TLR10: variants seen among roughly 807,000 people sequenced by gnomAD.
The protein encoded by TLR10 is toll-like receptor 10.
For synonymous variants in TLR10, 288 were observed against 338.8 expected (o/e 0.85, Z 1.65); for missense variants, 929 against 932.9 (o/e 1.00, Z 0.05).
In TLR10 at chr4:38,775,668, T is replaced by C. The variant is rs2109311410; in HGVS notation, c.-62-16A>G. ...GCTCAAAACCCTAAAAAAAAGTATATAATATTAGATTTTTATTTGGTTTGT... is the reference window on the plus strand; with the variant it reads ...GCTCAAAACCCTAAAAAAAAGTATACAATATTAGATTTTTATTTGGTTTGT... On this transcript the variant is annotated splice_polypyrimidine_tract_variant and intron_variant, in intron 3 of 3. Transcript: ENST00000308973. 2.3e-6 allele frequency: 3 copies of C among 1,325,142 alleles called. No homozygotes were observed. Among genetic ancestry groups the C allele is most frequent in the Admixed American group, 2.6e-5 (1 of 38,686 alleles). The allele number at this position is 1,325,142 out of a possible 1,614,324, so 82.1% of individuals were successfully genotyped here.
chr4:38,775,848 T>C lies in TLR10; in HGVS notation c.-136A>G. The C allele has an allele frequency of 3.0e-6, 1 of 331,086 alleles. No homozygotes were observed. The highest frequency in any genetic ancestry group is 7.7e-5 in the South Asian group (1 of 12,922). The allele number at this position is 331,086 out of a possible 1,614,324, so 20.5% of individuals were successfully genotyped here. A position where few individuals can be genotyped will look rare whatever the true frequency, so the allele number is the denominator to read the frequency against. ...TCCAAGCTGGCTACTGTGCCATGTC[T>C]CCGTTGTTGAGGTAAGTCAGGATTC... On this transcript the variant is annotated 5_prime_UTR_variant, in exon 3 of 4. Coordinates refer to ENST00000308973, the MANE Select transcript of TLR10 (RefSeq NM_030956.4).
At chr4:38,780,715 G>A (rs1725354604) in intron 1 of TLR10, among the ~76,000 whole-genome samples, 1 of 152,186 alleles carries the variant, frequency 6.6e-6, no homozygotes, top group Non-Finnish European at 1.5e-5. Flanking sequence ...ATGTTTACAT[G>A]AAATATTTTT....
At position 38,775,308 on chromosome 4, in the gene TLR10, T is replaced by C. The variant is rs1297796232; in HGVS notation, c.283A>G (p.Asn95Asp). Residue 95 changes from asparagine to aspartate, a missense_variant, in exon 4 of 4, where the codon AAC becomes GAC. By Grantham distance (23) the Asn-to-Asp change is conservative. Coordinates refer to ENST00000308973, the MANE Select transcript of TLR10 (RefSeq NM_030956.4). ...AAATCTAAATATCTTAACTCCTTGTTGAATTCAAAGGTTTTGAGATCCAGC... is the reference window on the plus strand; with the variant it reads ...AAATCTAAATATCTTAACTCCTTGTCGAATTCAAAGGTTTTGAGATCCAGC... ...QQLDLKTFEF[N>D]KELRYLDLSN... 6.2e-7 allele frequency: 1 copy of C among 1,614,016 alleles called. No individual in the cohort carries two copies. The highest frequency in any genetic ancestry group is 8.5e-7 in the Non-Finnish European group (1 of 1,180,018).
chr4:38,776,977 G>A (rs1725093957), intron 1 of TLR10, among the ~76,000 whole-genome samples: 1 of 152,102 alleles, frequency 6.6e-6, no homozygotes, highest in Admixed American at 6.6e-5. Flanking sequence ...CAGATCTCAT[G>A]AGACTTATTC....
chr4:38,779,257 A>T lies in TLR10; in HGVS notation c.-568-2831T>A, dbSNP rs572869524. On this transcript the variant is annotated intron_variant, in intron 1 of 3. Transcript: ENST00000308973. Reference sequence around the variant, plus strand: ...ATTGATCATATAATTTTTATATTTCATAAACTATTGTTTCTGGTAAGTGTT... The same window carrying T: ...ATTGATCATATAATTTTTATATTTCTTAAACTATTGTTTCTGGTAAGTGTT... Among the ~76,000 whole-genome samples the T allele has an allele frequency of 1.1e-4, 16 of 152,346 alleles. 1 individual carries two copies. Among genetic ancestry groups the T allele is most frequent in the Admixed American group, 9.8e-4 (15 of 15,300 alleles).
chr4:38,774,816 G>T lies in TLR10; in HGVS notation c.775C>A (p.Leu259Ile), dbSNP rs368542091. ...LNKVDLLWDD[L>I]FLILQFVWHT... Reference sequence around the variant, plus strand: ...CAAACAAATTGTAAGATAAGGAAAAGGTCGTCCCAGAGTAAATCAACTTTA... The same window carrying T: ...CAAACAAATTGTAAGATAAGGAAAATGTCGTCCCAGAGTAAATCAACTTTA... Residue 259 changes from leucine to isoleucine, a missense_variant, in exon 4 of 4, where the codon CTT becomes ATT. Leu to Ile is a conservative substitution (Grantham distance 5). Coordinates refer to ENST00000308973, the MANE Select transcript of TLR10 (RefSeq NM_030956.4). The T allele has an allele frequency of 2.8e-5, 44 of 1,595,318 alleles. No homozygotes were observed. Among genetic ancestry groups the T allele is most frequent in the East Asian group, 8.9e-5 (4 of 44,768 alleles).
chr4:38,774,025 A>C lies in TLR10; in HGVS notation c.1566T>G (p.Asn522Lys), dbSNP rs1316141553. 4 of 1,608,236 alleles carry C rather than the reference A, an allele frequency of 2.5e-6. No individual in the cohort carries two copies. In the African/African-American group the frequency reaches 4.0e-5, roughly 16 times the overall value. The change falls in exon 4 of 4, where the codon AAT becomes AAG. Residue 522 changes from asparagine to lysine, a missense_variant. Asn to Lys is a moderately conservative substitution (Grantham distance 94). Transcript: ENST00000308973. The part of the protein sequence containing the change: ...QEVKTLNAGR[N>K]PFRCTCELKN... ...TTAATTCACAGGTACACCGGAATGG[A>C]TTTCTTCCCGCATTTAGAGTTTTAA...
At chr4:38,780,921 T>C (rs1936544366) in intron 1 of TLR10, among the ~76,000 whole-genome samples, 1 of 152,154 alleles carries the variant, frequency 6.6e-6, no homozygotes, top group South Asian at 2.1e-4. Flanking sequence ...TTTGTAGCAA[T>C]TGACTTTAAG....
chr4:38,782,246 CT>C (rs1445745983), intron 1 of TLR10, among the ~76,000 whole-genome samples: 1 of 152,182 alleles, frequency 6.6e-6, no homozygotes, highest in African/African-American at 2.4e-5. Context: ...GTTCAAGAGA[CT>C]TTGCCTACAT....
At position 38,774,399 on chromosome 4, in the gene TLR10, G is replaced by A; in HGVS notation, c.1192C>T (p.Pro398Ser). 6.2e-7 allele frequency: 1 copy of A among 1,613,382 alleles called. No individual in the cohort carries two copies. Among genetic ancestry groups the A allele is most frequent in the Non-Finnish European group, 8.5e-7 (1 of 1,179,838 alleles). The change falls in exon 4 of 4, where the codon CCC becomes TCC. Residue 398 changes from proline (P) to serine (S), a missense_variant. Physicochemically the swap from Pro to Ser is moderately conservative, Grantham distance 74. Coordinates refer to ENST00000308973, the MANE Select transcript of TLR10 (RefSeq NM_030956.4). ...SLVSCFANNT[P>S]LEHLDLSQNL... is the part of the protein sequence containing the mutation. ...TGACTCAGATCCAAGTGTTCCAAGG[G>A]TGTGTTGTTAGCAAAGCAACTTACT...
chr4:38,774,974 A>G lies in TLR10; in HGVS notation c.617T>C (p.Leu206Pro). 3 of 1,613,546 alleles carry G rather than the reference A, an allele frequency of 1.9e-6. No homozygotes were observed. The highest frequency in any genetic ancestry group is 2.5e-6 in the Non-Finnish European group (3 of 1,179,864). The part of the protein sequence containing the change: ...VLPMDTNFWV[L>P]LRDGIKTSKI... ...TGAAGTCTTGATTCCATCACGCAAA[A>G]GAACCCAGAAATTTGTGTCCATTGG... is the stretch of plus-strand genomic sequence containing the variant. Residue 206 changes from leucine to proline, a missense_variant, in exon 4 of 4, where the codon CTT becomes CCT. By Grantham distance (98) the Leu-to-Pro change is moderately conservative. Coordinates refer to ENST00000308973, the MANE Select transcript of TLR10 (RefSeq NM_030956.4).
Position 38,774,734 on chromosome 4 carries a change from T to C in TLR10, c.857A>G (p.Tyr286Cys), listed in dbSNP as rs145872263. 3.5e-4 allele frequency: 563 copies of C among 1,596,840 alleles called. 6 individuals carry two copies. The East Asian group carries it at 6.5e-3, about 18-fold the overall frequency. Reference protein sequence around the residue: ...IRNVTFGGKAYLDHNSFDYSN... With the variant: ...IRNVTFGGKACLDHNSFDYSN... ...GTAGTCAAATGAATTGTGGTCAAGA[T>C]AAGCCTTACCACCAAAAGTCACATT... is the stretch of plus-strand genomic sequence containing the variant. Residue 286 changes from tyrosine (Y) to cysteine (C), a missense_variant, in exon 4 of 4, where the codon TAT (tyrosine) becomes TGT (cysteine). Tyr to Cys is a radical substitution (Grantham distance 194). Transcript: ENST00000308973.
rs949206966 is a variant in TLR10 at position 38,772,498 on chromosome 4, A to G, written c.*657T>C. ...TAACATATTAATATGTTTTTTCCAT[A>G]CCAGGAAATATACAGCTACCTTATT... is the stretch of plus-strand genomic sequence containing the variant. On this transcript the variant is annotated 3_prime_UTR_variant, in exon 4 of 4. Coordinates refer to ENST00000308973, the MANE Select transcript of TLR10 (RefSeq NM_030956.4). 1 of 152,160 alleles carries G rather than the reference A, an allele frequency of 6.6e-6. No homozygotes were observed. Among genetic ancestry groups the G allele is most frequent in the Non-Finnish European group, 1.5e-5 (1 of 68,026 alleles). 9.4% of individuals were successfully genotyped at this position (152,160 alleles called of 1,614,324 possible). A position where few individuals can be genotyped will look rare whatever the true frequency, so the allele number is the denominator to read the frequency against.
At chr4:38,780,090 A>C (rs1725300130) in intron 1 of TLR10, among the ~76,000 whole-genome samples, 1 of 152,216 alleles carries the variant, frequency 6.6e-6, no homozygotes, top group Non-Finnish European at 1.5e-5. Flanking sequence ...GATACAGTGC[A>C]GGGCATGATG....
chr4:38,773,169 T>G lies in TLR10; in HGVS notation c.2422A>C (p.Thr808Pro), dbSNP rs1192061081. 1 of 1,534,072 alleles carries G rather than the reference T, an allele frequency of 6.5e-7. No homozygotes were observed. The highest frequency in any genetic ancestry group is 1.8e-4 in the Middle Eastern group (1 of 5,662). ...SRGSTISLMR[T>P]DCL is the part of the protein sequence containing the mutation. ...ACTGTGGGATTTTATAGACAATCTGTTCTCATCAGAGAGATTGTAGAACCT... is the reference window on the plus strand; with the variant it reads ...ACTGTGGGATTTTATAGACAATCTGGTCTCATCAGAGAGATTGTAGAACCT... Residue 808 changes from threonine (T) to proline (P), a missense_variant, in exon 4 of 4, where the codon ACA (threonine) becomes CCA (proline). Thr to Pro is a conservative substitution (Grantham distance 38, BLOSUM62 -1). Coordinates refer to ENST00000308973, the MANE Select transcript of TLR10 (RefSeq NM_030956.4).
Position 38,773,449 on chromosome 4 carries a change from G to A in TLR10, c.2142C>T (p.His714=), listed in dbSNP as rs1724778589. 2 of 1,611,520 alleles carry A rather than the reference G, an allele frequency of 1.2e-6. No individual in the cohort carries two copies. Among genetic ancestry groups the A allele is most frequent in the East Asian group, 4.5e-5 (2 of 44,878 alleles). The change falls in exon 4 of 4, where the codon CAC becomes CAT. Residue 714 remains histidine (H), a synonymous_variant. Coordinates refer to ENST00000308973, the MANE Select transcript of TLR10 (RefSeq NM_030956.4). ...CAGAATTTTCATGGAAGAGATTGTG[G>A]TGGGCAAAGTAGAATTCATAATGGC... ...EWCHYEFYFA[H]HNLFHENSDH...
At chr4:38,782,009 G>C (rs1445703781) in intron 1 of TLR10, among the ~76,000 whole-genome samples, 2 of 152,150 alleles carry the variant, frequency 1.3e-5, no homozygotes, top group Non-Finnish European at 2.9e-5. Context: ...TTTGAACCCA[G>C]ACCTGTCTGG....
In TLR10 at chr4:38,774,307, C is replaced by A; in HGVS notation, c.1284G>T (p.Leu428=). 6.2e-7 allele frequency: 1 copy of A among 1,612,212 alleles called. No homozygotes were observed. Among genetic ancestry groups the A allele is most frequent in the Non-Finnish European group, 8.5e-7 (1 of 1,179,428 alleles). The stretch of plus-strand genomic sequence containing the variant: ...CAGAATCAGACAATTTATTGTATGA[C>A]AGATTCATATTGACCACAGTTTCTG... ...SWPETVVNMN[L]SYNKLSDSVF... The change falls in exon 4 of 4, where the codon CTG becomes CTT. Residue 428 remains leucine, a synonymous_variant. Coordinates refer to ENST00000308973, the MANE Select transcript of TLR10 (RefSeq NM_030956.4).
intron 1 of TLR10, among the ~76,000 whole-genome samples, chr4:38,778,285 G>T (rs1318250243): frequency 6.6e-6 from 1 of 152,124 alleles, no homozygotes; most frequent in Non-Finnish European, 1.5e-5. Flanking sequence ...CCTGTCAGGG[G>T]GTGGGGGGCT....
Sources: allele counts gnomAD v4.1 joint callset (sites outside exome capture counted in the v4.1 genomes callset), GRCh38; gene constraint gnomAD v4.1.1; transcripts MANE v1.5; gene names NCBI Gene and HGNC (gene_info 2026-07-23, HGNC 2026-07-21).